The following TRMT2B variants were observed in gnomAD, a reference collection of about 807,000 sequenced individuals.
TRMT2B encodes tRNA methyltransferase 2B.
In TRMT2B, 34 loss-of-function variants were observed where a neutral mutation model predicts 39.7. That is an observed-to-expected ratio of 0.86 (90% confidence interval 0.65 to 1.14). TRMT2B has a LOEUF of 1.14. Among genes scored for constraint, TRMT2B ranks in the 50% most tolerant of loss-of-function variants. The probability of loss-of-function intolerance (pLI) is 0.00; values close to 1 mark genes in which losing one functional copy is unlikely to be tolerated. For synonymous variants in TRMT2B, 132 were observed against 137.3 expected (o/e 0.96, Z 0.27); for missense variants, 318 against 377.2 (o/e 0.84, Z 1.30).
intron 7 of TRMT2B, among the ~76,000 whole-genome samples, chrX:101,033,581 C>T (rs1363270066): frequency 9.3e-6 from 1 of 108,036 alleles, no homozygotes; most frequent in Admixed American, 1.0e-4. Context: ...GGCGACAGAG[C>T]GAGACTCCAT....
downstream of TRMT2B, among the ~76,000 whole-genome samples, chrX:101,008,944 CT>C (rs2086152341): frequency 9.0e-6 from 1 of 111,513 alleles, no homozygotes; most frequent in African/African-American, 3.3e-5. Context: ...CCTCTTCTGT[CT>C]TCTGCCTCCT....
At chrX:101,020,736 C>T in intron 10 of TRMT2B, 148 bp from the exon 11 acceptor site, 2 of 503,751 alleles carry the variant, frequency 4.0e-6, no homozygotes, top group South Asian at 2.9e-5. Flanking sequence ...ATGGCACAAT[C>T]ACAGTTCACT....
chrX:101,004,789 C>T (rs1030807159), downstream of TRMT2B, among the ~76,000 whole-genome samples: 4 of 111,507 alleles, frequency 3.6e-5, no homozygotes, highest in Admixed American at 3.9e-4. Flanking sequence ...ATGTGGGCAA[C>T]CGTGCCCGGC....
chrX:100,995,966 ATT>A, the TRMT2B span, among the ~76,000 whole-genome samples: 1 of 104,323 alleles, frequency 9.6e-6, no homozygotes. Flanking sequence ...CTTAATATAC[ATT>A]TTTTTTTTTT....
At position 101,038,053 on chromosome X, in the gene TRMT2B, T is replaced by C; in HGVS notation, c.304-2A>G. 1 of 1,209,260 alleles carries C rather than the reference T, an allele frequency of 8.3e-7. No individual in the cohort carries two copies. The highest frequency in any genetic ancestry group is 1.1e-6 in the Non-Finnish European group (1 of 894,171). ...TTTCTTCTGAGCTGCAAATTTCACC[T>C]GCAAAAGAATATAAGCTATGAAACG... On this transcript the variant is annotated splice_acceptor_variant, in intron 4 of 13. Transcript: ENST00000372936. LOFTEE classifies it high-confidence loss of function.
Position 101,038,008 on chromosome X carries a change from G to A in TRMT2B, c.347C>T (p.Ser116Phe), listed in dbSNP as rs765343629. 2.5e-6 allele frequency: 3 copies of A among 1,206,688 alleles called. No homozygotes were observed. The African/African-American group carries it at 5.3e-5, about 21-fold the overall frequency. The change falls in exon 5 of 14, where the codon TCT becomes TTT. Residue 116 changes from serine (S) to phenylalanine (F), a missense_variant. Physicochemically the swap from Ser to Phe is radical, Grantham distance 155. Coordinates refer to ENST00000372936, the MANE Select transcript of TRMT2B (RefSeq NM_024917.6). ...GACTCCATTGAGCATTTGGATGTAA[G>A]ACTCTAGTCTTTGTAAAATTTTCTT... ...AQKKILQRLE[S>F]YIQMLNGVSV...
chrX:101,031,057 G>A (rs772791073), intron 7 of TRMT2B, among the ~76,000 whole-genome samples: 1 of 109,817 alleles, frequency 9.1e-6, no homozygotes, highest in Non-Finnish European at 1.9e-5. Flanking sequence ...CTGCAGCCTC[G>A]AACTGCTGGG....
chrX:101,033,699 T>C (rs1000779812), intron 7 of TRMT2B, among the ~76,000 whole-genome samples: 2 of 111,804 alleles, frequency 1.8e-5, no homozygotes, highest in African/African-American at 6.5e-5. Context: ...AAATACATTA[T>C]ACTATTAATA....
In TRMT2B at chrX:101,021,166, C is replaced by T. The variant is rs994880025; in HGVS notation, c.1001G>A (p.Arg334Gln). Residue 334 changes from arginine (R) to glutamine (Q), a missense_variant, in exon 10 of 14, where the codon CGG (arginine) becomes CAG (glutamine). Coordinates refer to ENST00000372936, the MANE Select transcript of TRMT2B (RefSeq NM_024917.6). ...INTAGAEMLY[R>Q]TVGELTGVNS... ...CACTCCAGTCAGCTCCCCCACAGTC[C>T]GATACAGCATCTCTGCACCAGCTGT... 6.6e-6 allele frequency: 8 copies of T among 1,209,488 alleles called. No homozygotes were observed. In the African/African-American group the frequency reaches 7.0e-5, roughly 11 times the overall value.
At position 101,042,263 on chromosome X, in the gene TRMT2B, TG is replaced by T. The variant is rs760413688; in HGVS notation, c.26del (p.Pro9HisfsTer47). The T allele has an allele frequency of 8.3e-7, 1 of 1,211,459 alleles. No individual in the cohort carries two copies. The highest frequency in any genetic ancestry group is 1.8e-5 in the South Asian group (1 of 56,984). On this transcript the variant is annotated frameshift_variant, in exon 3 of 14. Coordinates refer to ENST00000372936, the MANE Select transcript of TRMT2B (RefSeq NM_024917.6). LOFTEE classifies it high-confidence loss of function. ...AGATGAAGTATCTGAGGCTGTGCAG[TG>T]GGACTCTTCTCTTAAGGCCTGCCAT... MAGLKRRV[P>X]LHSLRYFISM...
the TRMT2B span, chrX:100,988,054 AG>A: frequency 2.2e-6 from 1 of 464,459 alleles, no homozygotes; most frequent in Non-Finnish European, 3.7e-6. Flanking sequence ...GAGGAGCAAA[AG>A]GCCTAAACAT....
chrX:101,035,666 C>T lies in TRMT2B; in HGVS notation c.556G>A (p.Val186Met), dbSNP rs780913703. 2.5e-6 allele frequency: 3 copies of T among 1,208,350 alleles called. No individual in the cohort carries two copies. The highest frequency in any genetic ancestry group is 3.4e-6 in the Non-Finnish European group (3 of 892,463). The change falls in exon 7 of 14, where the codon GTG becomes ATG. Residue 186 changes from valine (V) to methionine (M), a missense_variant. Transcript: ENST00000372936. ...ATGTTTTTCAGATGATTAGACTGCACACAGACAACGTTCCCATCTATGGAA... is the reference window on the plus strand; with the variant it reads ...ATGTTTTTCAGATGATTAGACTGCATACAGACAACGTTCCCATCTATGGAA... ...GTWRDGNVVC[V>M]QSNHLKNIPE...
chrX:101,048,113 TACACACACACACACACACACAC>T (rs56212711), intron 2 of TRMT2B, among the ~76,000 whole-genome samples: 18 of 90,399 alleles, frequency 2.0e-4, no homozygotes, highest in African/African-American at 6.4e-4. Context: ...TTTATACACA[TACACACACACACACACACACAC>T]ACACACACAC....
At chrX:100,980,846 ACTGGGTTCC>A in the TRMT2B span, among the ~76,000 whole-genome samples, 3 of 111,555 alleles carry the variant, frequency 2.7e-5, no homozygotes, top group Non-Finnish European at 5.6e-5. Context: ...CTTTCAGGGC[ACTGGGTTCC>A]CTTCTGGCCC....
At chrX:101,005,118 C>T (rs927596163), downstream of TRMT2B, among the ~76,000 whole-genome samples, 2 of 111,385 alleles carry the variant, frequency 1.8e-5, no homozygotes, top group African/African-American at 3.3e-5. Flanking sequence ...AGAGGCCATA[C>T]ACGGAGGCTC....
chrX:101,000,181 C>T, the TRMT2B span, among the ~76,000 whole-genome samples: 2 of 104,358 alleles, frequency 1.9e-5, no homozygotes, highest in East Asian at 3.0e-4. Context: ...AGTGCAATAG[C>T]GCAATCTCCA....
chrX:101,004,817 T>A (rs2086089955), downstream of TRMT2B, among the ~76,000 whole-genome samples: 3 of 111,521 alleles, frequency 2.7e-5, no homozygotes, highest in South Asian at 1.1e-3. Context: ...AATGTTTTAA[T>A]GTGAGTCTAA....
chrX:100,986,749 G>A, the TRMT2B span: 5 of 932,441 alleles, frequency 5.4e-6, no homozygotes, highest in Non-Finnish European at 7.4e-6. Flanking sequence ...TTCTGTTTTG[G>A]TTTCACTCTT....
At chrX:100,976,665 T>C in the TRMT2B span, among the ~76,000 whole-genome samples, 1 of 112,411 alleles carries the variant, frequency 8.9e-6, no homozygotes, top group Non-Finnish European at 1.9e-5. Context: ...CAAGCTGGAG[T>C]GCAATGGCAC....
Sources: allele counts gnomAD v4.1 joint callset (sites outside exome capture counted in the v4.1 genomes callset), GRCh38; gene constraint gnomAD v4.1.1; transcripts MANE v1.5; gene names NCBI Gene and HGNC (gene_info 2026-07-23, HGNC 2026-07-21).